Variants in PTPRG observed in about 807,000 individuals in gnomAD.
The protein encoded by PTPRG is receptor-type tyrosine-protein phosphatase gamma.
PTPRG carries 102 observed loss-of-function variants against 165.3 expected under a neutral mutation model. That is an observed-to-expected ratio of 0.62 (90% CI 0.53 to 0.73). The LOEUF is 0.73. PTPRG is among the 30% of genes least tolerant of loss of function. The probability of loss-of-function intolerance (pLI) is 0.00; values close to 1 mark genes in which losing one functional copy is unlikely to be tolerated. For missense variants in PTPRG, 1,866 were observed against 1,861.4 expected (o/e 1.00, Z -0.05); for synonymous variants, 675 against 669.5 (o/e 1.01, Z -0.13).
At chr3:61,930,147 C>T (rs1295642524) in intron 2 of PTPRG, among the ~76,000 whole-genome samples, 1 of 151,648 alleles carries the variant, frequency 6.6e-6, no homozygotes, top group Non-Finnish European at 1.5e-5. Flanking sequence ...AAAGATGGAG[C>T]TACCTACACT....
chr3:62,115,725 C>T (rs1302924130), intron 5 of PTPRG, among the ~76,000 whole-genome samples: 1 of 150,976 alleles, frequency 6.6e-6, no homozygotes, highest in African/African-American at 2.4e-5. Flanking sequence ...TTTGCAGAGA[C>T]AAGGGTTTTC....
intron 9 of PTPRG, among the ~76,000 whole-genome samples, chr3:62,193,976 G>C (rs921364356): frequency 5.3e-5 from 8 of 152,170 alleles, no homozygotes; most frequent in Non-Finnish European, 1.0e-4. Flanking sequence ...CCATTTTCTC[G>C]TTTTTAAAGG....
At chr3:61,789,341 C>A (rs2034804420) in intron 2 of PTPRG, among the ~76,000 whole-genome samples, 2 of 152,166 alleles carry the variant, frequency 1.3e-5, no homozygotes, top group Non-Finnish European at 2.9e-5. Flanking sequence ...GTCCTGATCT[C>A]AAGTGATCCT....
intron 1 of PTPRG, among the ~76,000 whole-genome samples, chr3:61,609,157 G>A (rs1701095389): frequency 6.6e-6 from 1 of 152,178 alleles, no homozygotes; most frequent in East Asian, 1.9e-4. Context: ...GGAAGTTATT[G>A]GACTTCCCTT....
At chr3:61,803,889 G>C (rs1253475744) in intron 2 of PTPRG, among the ~76,000 whole-genome samples, 1 of 152,128 alleles carries the variant, frequency 6.6e-6, no homozygotes. Context: ...GGACATAGTT[G>C]TCAGGTATGA....
intron 5 of PTPRG, among the ~76,000 whole-genome samples, chr3:62,117,887 A>G (rs547800862): frequency 3.0e-4 from 46 of 152,320 alleles, no homozygotes; most frequent in African/African-American, 1.1e-3. Context: ...TGTTGAATGT[A>G]TGAATTAGTG....
At chr3:62,037,478 C>T (rs760947783) in intron 4 of PTPRG, among the ~76,000 whole-genome samples, 2 of 152,190 alleles carry the variant, frequency 1.3e-5, no homozygotes, top group Non-Finnish European at 2.9e-5. Context: ...TAAGTTGTGA[C>T]AATTGGAATA....
At chr3:62,261,722 T>A (rs1012868612) in intron 16 of PTPRG, 2 of 152,138 alleles carry the variant, frequency 1.3e-5, no homozygotes, top group African/African-American at 4.8e-5. Flanking sequence ...TCTTTGCTTT[T>A]ATACCTTAAA....
chr3:61,969,390 A>G (rs1409168188), intron 2 of PTPRG, among the ~76,000 whole-genome samples: 1 of 152,234 alleles, frequency 6.6e-6, no homozygotes, highest in Non-Finnish European at 1.5e-5. Flanking sequence ...ATAATTTGTG[A>G]ATGAATTAAT....
At chr3:62,072,405 C>G (rs962414836) in intron 4 of PTPRG, among the ~76,000 whole-genome samples, 2 of 152,154 alleles carry the variant, frequency 1.3e-5, no homozygotes, top group African/African-American at 4.8e-5. Flanking sequence ...TCACCTTGAT[C>G]TGGCTAGAAA....
intron 6 of PTPRG, among the ~76,000 whole-genome samples, chr3:62,151,445 T>C (rs898523727): frequency 6.6e-6 from 1 of 152,174 alleles, no homozygotes; most frequent in Non-Finnish European, 1.5e-5. Flanking sequence ...GTATTTAATA[T>C]AAAAGTCATA....
intron 1 of PTPRG, among the ~76,000 whole-genome samples, chr3:61,673,153 C>G (rs1332429430): frequency 6.6e-6 from 1 of 152,062 alleles, no homozygotes; most frequent in African/African-American, 2.4e-5. Flanking sequence ...CAGAGCGATA[C>G]TCTGTCTCAA....
chr3:62,078,098 A>G, intron 4 of PTPRG, 65 bp from the exon 5 acceptor site: 568 of 640,454 alleles, frequency 8.9e-4, no homozygotes, highest in Non-Finnish European at 1.3e-3. Context: ...TTATGGTACT[A>G]TTCTCTCAAC....
At position 62,229,410 on chromosome 3, in the gene PTPRG, C is replaced by T. The variant is rs1307031821; in HGVS notation, c.2289-1815C>T. 2.0e-5 allele frequency among the ~76,000 whole-genome samples: 3 copies of T among 152,150 alleles called. No individual in the cohort carries two copies. Among genetic ancestry groups the T allele is most frequent in the Admixed American group, 6.5e-5 (1 of 15,270 alleles). ...GTTATAGTAACCGGCCCCCTGCTGT[C>T]GAATTGGCCCTGAGATGCCAGTGGA... On this transcript the variant is annotated intron_variant, in intron 13 of 29. Transcript: ENST00000474889. The surrounding 1 kb of genome is among the most constrained non-coding windows in gnomAD (Gnocchi z 4.6).
intron 2 of PTPRG, among the ~76,000 whole-genome samples, chr3:61,879,978 C>T (rs2037841207): frequency 6.6e-6 from 1 of 152,202 alleles, no homozygotes; most frequent in Admixed American, 6.5e-5. Flanking sequence ...TGGTTTTTCA[C>T]ATGAAGTATT....
chr3:62,151,421 A>G (rs1279181042), intron 6 of PTPRG, among the ~76,000 whole-genome samples: 1 of 152,188 alleles, frequency 6.6e-6, no homozygotes, highest in Non-Finnish European at 1.5e-5. Flanking sequence ...AATGTAGACT[A>G]CTTAATACAG....
At chr3:62,196,281 T>A (rs1379661383) in intron 10 of PTPRG, among the ~76,000 whole-genome samples, 1 of 151,856 alleles carries the variant, frequency 6.6e-6, no homozygotes, top group African/African-American at 2.4e-5. Context: ...TAATCCCAGC[T>A]ACTCCCAGCT....
At chr3:61,986,191 TTCTC>T (rs1454584108) in intron 2 of PTPRG, among the ~76,000 whole-genome samples, 1 of 150,690 alleles carries the variant, frequency 6.6e-6, no homozygotes, top group African/African-American at 2.5e-5. Context: ...CTTCTTTCAG[TTCTC>T]TCTTCTTTCA....
chr3:62,087,330 G>T (rs1701785969), intron 5 of PTPRG, among the ~76,000 whole-genome samples: 1 of 152,194 alleles, frequency 6.6e-6, no homozygotes, highest in Non-Finnish European at 1.5e-5. Flanking sequence ...CTAGTAGGAT[G>T]CTTTAGCTGA....
Sources: gnomAD v4.1 joint callset for allele counts (sites outside exome capture counted in the v4.1 genomes callset) on GRCh38, gnomAD v4.1.1 for gene constraint, Gnocchi (gnomAD v3.1) non-coding constraint, MANE v1.5 for transcripts, NCBI Gene and HGNC (gene_info 2026-07-23, HGNC 2026-07-21) for gene names.